PTPN1: variants seen among roughly 807,000 people sequenced by gnomAD.
PTPN1 encodes tyrosine-protein phosphatase non-receptor type 1.
In PTPN1, 12 loss-of-function variants were observed where a neutral mutation model predicts 59.9. The observed-to-expected ratio is 0.20, with a 90% CI of 0.13 to 0.32. PTPN1 has a LOEUF of 0.32. Ranked by LOEUF, PTPN1 falls within the 10% of genes least tolerant of loss-of-function variation. The pLI, the probability that PTPN1 is intolerant of heterozygous loss-of-function variation, is 1.00. For synonymous variants in PTPN1, 178 were observed against 203.6 expected, an observed-to-expected ratio of 0.87 and a Z score of 1.07; for missense variants, 356 against 549.2, an observed-to-expected ratio of 0.65 and a Z score of 3.52.
At chr20:50,559,714 T>C (rs1290549987) in intron 1 of PTPN1, among the ~76,000 whole-genome samples, 1 of 152,174 alleles carries the variant, frequency 6.6e-6, no homozygotes, top group Admixed American at 6.5e-5. Flanking sequence ...CTTGTCATTT[T>C]TGCTATCTTG....
chr20:50,532,813 T>G (rs2082607337), intron 1 of PTPN1, among the ~76,000 whole-genome samples: 1 of 152,178 alleles, frequency 6.6e-6, no homozygotes, highest in Admixed American at 6.6e-5. Context: ...TCATTTCCAA[T>G]TAAGTTTCAT....
chr20:50,575,285 C>A (rs2082830493), intron 5 of PTPN1, among the ~76,000 whole-genome samples: 1 of 152,190 alleles, frequency 6.6e-6, no homozygotes, highest in Non-Finnish European at 1.5e-5. Context: ...GAGTGCGCGG[C>A]AGCACCTGGG....
chr20:50,514,348 CT>C (rs11477812), intron 1 of PTPN1, among the ~76,000 whole-genome samples: 32,939 of 152,084 alleles, frequency 0.22, 4,001 homozygotes, highest in Admixed American at 0.31. Flanking sequence ...TGAATGTGTA[CT>C]GAATTTCACA....
chr20:50,512,268 A>T (rs2082510893), intron 1 of PTPN1, among the ~76,000 whole-genome samples: 1 of 152,210 alleles, frequency 6.6e-6, no homozygotes, highest in East Asian at 1.9e-4. Flanking sequence ...GTTGGTCTGA[A>T]GTGTTGGAGT....
intron 8 of PTPN1, among the ~76,000 whole-genome samples, chr20:50,580,495 G>T (rs1318532511): frequency 6.6e-6 from 1 of 152,142 alleles, no homozygotes; most frequent in Non-Finnish European, 1.5e-5. Context: ...ATTTTGGTGG[G>T]GGCCCATGGA....
chr20:50,517,000 A>G (rs901782029), intron 1 of PTPN1, among the ~76,000 whole-genome samples: 1 of 152,186 alleles, frequency 6.6e-6, no homozygotes, highest in East Asian at 1.9e-4. Context: ...TTAGAGTTTA[A>G]TAGCTGCTGC....
At chr20:50,553,949 G>A (rs2082714644) in intron 1 of PTPN1, among the ~76,000 whole-genome samples, 1 of 152,180 alleles carries the variant, frequency 6.6e-6, no homozygotes, top group Non-Finnish European at 1.5e-5. Context: ...AAAAAATGTG[G>A]ATTGGGGGGT....
Position 50,569,377 on chromosome 20 carries a change from C to T in PTPN1, c.354+899C>T, listed in dbSNP as rs528336911. Among the ~76,000 whole-genome samples the T allele has an allele frequency of 3.3e-5, 5 of 152,366 alleles. No homozygotes were observed. In the South Asian group the frequency reaches 1.0e-3, roughly 32 times the overall value. ...GCCGAGGAGTCCCAGTGCCCACGTTCATCCCACTTGCAGGCACCCCTGGAC... is the reference window on the plus strand; with the variant it reads ...GCCGAGGAGTCCCAGTGCCCACGTTTATCCCACTTGCAGGCACCCCTGGAC... On this transcript the variant is annotated intron_variant, in intron 4 of 9. Coordinates refer to ENST00000371621, the MANE Select transcript of PTPN1 (RefSeq NM_002827.4).
At chr20:50,539,644 CTTTTTTT>C (rs5841806) in intron 1 of PTPN1, among the ~76,000 whole-genome samples, 30 of 90,534 alleles carry the variant, frequency 3.3e-4, no homozygotes, top group Non-Finnish European at 5.3e-4. Context: ...CTCTTTCTCT[CTTTTTTT>C]TTTTTTTTTT....
At chr20:50,549,438 C>G (rs760469430) in intron 1 of PTPN1, among the ~76,000 whole-genome samples, 1 of 152,140 alleles carries the variant, frequency 6.6e-6, no homozygotes, top group Non-Finnish European at 1.5e-5. Flanking sequence ...TTTCCAAGTG[C>G]ACATAATTGT....
At chr20:50,581,540 G>T (rs1273860975) in intron 9 of PTPN1, 80 bp downstream of exon 9, 35 of 1,433,832 alleles carry the variant, frequency 2.4e-5, no homozygotes, top group Non-Finnish European at 3.2e-5. Flanking sequence ...GTAGGATTCA[G>T]TTCTGTGGTG....
chr20:50,525,152 C>T (rs982456870), intron 1 of PTPN1, among the ~76,000 whole-genome samples: 1 of 152,026 alleles, frequency 6.6e-6, no homozygotes, highest in African/African-American at 2.4e-5. Flanking sequence ...CTCCGCCTCC[C>T]AGGTTCAAGC....
At chr20:50,567,002 G>A (rs573582133) in intron 3 of PTPN1, among the ~76,000 whole-genome samples, 259 of 152,332 alleles carry the variant, frequency 1.7e-3, no homozygotes, top group African/African-American at 6.1e-3. Flanking sequence ...AGTCCCTTCA[G>A]CACAGGGAGT....
At chr20:50,525,040 C>T (rs1359462778) in intron 1 of PTPN1, among the ~76,000 whole-genome samples, 1 of 152,092 alleles carries the variant, frequency 6.6e-6, no homozygotes, top group African/African-American at 2.4e-5. Flanking sequence ...ATTACAGATT[C>T]TGATATTTTT....
intron 1 of PTPN1, among the ~76,000 whole-genome samples, chr20:50,532,610 A>G (rs1173647191): frequency 2.0e-5 from 3 of 152,186 alleles, no homozygotes; most frequent in Non-Finnish European, 4.4e-5. Flanking sequence ...ATTAATATGT[A>G]ATTCCCCCAT....
chr20:50,514,839 A>G (rs1011358039), intron 1 of PTPN1, among the ~76,000 whole-genome samples: 1 of 152,218 alleles, frequency 6.6e-6, no homozygotes, highest in Non-Finnish European at 1.5e-5. Flanking sequence ...CAGATGATGT[A>G]GTTTGGCACC....
intron 1 of PTPN1, among the ~76,000 whole-genome samples, chr20:50,528,323 T>C (rs551960583): frequency 1.4e-4 from 22 of 152,318 alleles, no homozygotes; most frequent in African/African-American, 4.8e-4. Flanking sequence ...TACTTACCTA[T>C]TGCCAAGTAA....
chr20:50,518,281 A>T (rs78411912), intron 1 of PTPN1, among the ~76,000 whole-genome samples: 5,259 of 152,314 alleles, frequency 0.035, 278 homozygotes, highest in African/African-American at 0.12. Context: ...ATTATTCCAA[A>T]TAGAGTTCTC....
intron 1 of PTPN1, among the ~76,000 whole-genome samples, chr20:50,557,084 T>C (rs1216221147): frequency 6.6e-6 from 1 of 152,194 alleles, no homozygotes; most frequent in Non-Finnish European, 1.5e-5. Flanking sequence ...AAATAAAATA[T>C]GGTGGTTTGC....
Sources: allele counts gnomAD v4.1 joint callset (sites outside exome capture counted in the v4.1 genomes callset), GRCh38; gene constraint gnomAD v4.1.1; transcripts MANE v1.5; gene names NCBI Gene and HGNC (gene_info 2026-07-23, HGNC 2026-07-21).